Variants in EVC2 observed in about 807,000 individuals in gnomAD.
The protein encoded by EVC2 is limbin.
A neutral mutation model predicts 149.3 loss-of-function variants in EVC2; 148 were observed. That is an observed-to-expected ratio of 0.99 (90% confidence interval 0.87 to 1.14). EVC2 has a LOEUF of 1.14. Ranked by LOEUF, EVC2 falls within the 50% of genes most tolerant of loss-of-function variation. The probability of loss-of-function intolerance (pLI) is 0.00; values close to 1 mark genes in which losing one functional copy is unlikely to be tolerated. For missense variants in EVC2, 1,854 were observed against 1,627.3 expected (o/e 1.14, Z -2.40); for synonymous variants, 776 against 649.9 (o/e 1.19, Z -2.95).
At chr4:5,532,543 C>T in the EVC2 span, among the ~76,000 whole-genome samples, 3 of 152,250 alleles carry the variant, frequency 2.0e-5, no homozygotes, top group Middle Eastern at 3.4e-3. Flanking sequence ...TTCTTACACA[C>T]GGAACTGGGA....
At chr4:5,601,963 T>G (rs1714015703) in intron 16 of EVC2, among the ~76,000 whole-genome samples, 1 of 152,108 alleles carries the variant, frequency 6.6e-6, no homozygotes, top group African/African-American at 2.4e-5. Flanking sequence ...GATAGTGTAT[T>G]TGGTCTACCA....
At chr4:5,537,020 T>C in the EVC2 span, among the ~76,000 whole-genome samples, 3 of 152,184 alleles carry the variant, frequency 2.0e-5, no homozygotes, top group Non-Finnish European at 2.9e-5. Context: ...CGGATTTATC[T>C]TCCCACTTGG....
At chr4:5,661,009 C>T (rs1718842711) in intron 9 of EVC2, among the ~76,000 whole-genome samples, 1 of 152,162 alleles carries the variant, frequency 6.6e-6, no homozygotes, top group Non-Finnish European at 1.5e-5. Flanking sequence ...GTGCACATTT[C>T]TAAATGTGAC....
chr4:5,586,253 C>T (rs1033723597), intron 16 of EVC2, among the ~76,000 whole-genome samples: 37 of 152,256 alleles, frequency 2.4e-4, no homozygotes, highest in African/African-American at 8.9e-4. Flanking sequence ...TCCCCCTTCC[C>T]TCCCTTTGTT....
rs949347805 is a variant in EVC2, at chr4:5,617,227, A to C, written c.2706+1251T>G. ...GAAAAGAAGTGAGTTTAAAGTCAGG[A>C]AACACCAGCTCCCAGCCCAGTTCTC... On this transcript the variant is annotated intron_variant, in intron 15 of 21. Transcript: ENST00000344408. Among the ~76,000 whole-genome samples the C allele has an allele frequency of 4.6e-5, 7 of 152,296 alleles. No homozygotes were observed. The South Asian group carries it at 1.4e-3, about 32-fold the overall frequency.
chr4:5,557,305 G>T (rs1235973970), intron 21 of EVC2, among the ~76,000 whole-genome samples: 2 of 151,974 alleles, frequency 1.3e-5, no homozygotes, highest in African/African-American at 2.4e-5. Flanking sequence ...TCACATCAAC[G>T]GGCTAAAGAA....
At chr4:5,628,146 C>T (rs1716252601) in intron 12 of EVC2, among the ~76,000 whole-genome samples, 1 of 152,096 alleles carries the variant, frequency 6.6e-6, no homozygotes, top group South Asian at 2.1e-4. Context: ...TAGTGGGTCT[C>T]CAGTGAGGAA....
At chr4:5,680,463 G>A (rs1720265025) in intron 7 of EVC2, among the ~76,000 whole-genome samples, 1 of 152,096 alleles carries the variant, frequency 6.6e-6, no homozygotes, top group Admixed American at 6.6e-5. Flanking sequence ...GTAATCCTGC[G>A]GGACCACCTT....
intron 20 of EVC2, among the ~76,000 whole-genome samples, chr4:5,565,672 C>CAAA (rs949664571): frequency 2.4e-5 from 2 of 81,780 alleles, no homozygotes; most frequent in African/African-American, 8.9e-5. Flanking sequence ...GACTCCATCT[C>CAAA]AAAAAAAAAA....
chr4:5,687,622 C>A (rs376493671), intron 5 of EVC2, among the ~76,000 whole-genome samples: 9 of 152,158 alleles, frequency 5.9e-5, no homozygotes, highest in South Asian at 4.2e-4. Context: ...AAAGGTGACA[C>A]CAGGGCCAGG....
intron 1 of EVC2, among the ~76,000 whole-genome samples, chr4:5,706,545 T>C (rs1413829132): frequency 6.6e-6 from 1 of 151,776 alleles, no homozygotes; most frequent in Non-Finnish European, 1.5e-5. Context: ...ATAATTACAA[T>C]AGGAAGAACT....
chr4:5,674,681 G>C (rs1003827041), intron 7 of EVC2, among the ~76,000 whole-genome samples: 1 of 152,200 alleles, frequency 6.6e-6, no homozygotes, highest in African/African-American at 2.4e-5. Context: ...TGCAAAACCA[G>C]AGCGTAATGG....
Position 5,657,756 on chromosome 4 carries a change from A to AG in EVC2, c.1145+5350dup, listed in dbSNP as rs1718622105. Among the ~76,000 whole-genome samples, 1 of 151,136 alleles carries AG rather than the reference A, an allele frequency of 6.6e-6. No individual in the cohort carries two copies. The highest frequency in any genetic ancestry group is 1.5e-5 in the Non-Finnish European group (1 of 67,766). ...TTAATTTGAAAAAGAAAAAAAAAAA[A>AG]GGTAGTTTCCGGCAGCCTTGAGTGT... On this transcript the variant is annotated intron_variant, in intron 9 of 21. Coordinates refer to ENST00000344408, the MANE Select transcript of EVC2 (RefSeq NM_147127.5). This position sits in a 1 kb window ranked among gnomAD's most constrained non-coding sequence, Gnocchi z 4.7.
downstream of EVC2, among the ~76,000 whole-genome samples, chr4:5,541,115 GC>G (rs1308976660): frequency 6.6e-6 from 1 of 152,204 alleles, no homozygotes; most frequent in Non-Finnish European, 1.5e-5. Context: ...TGATAACATT[GC>G]TCTGTAAGAA....
At chr4:5,684,478 C>T (rs1228578805) in intron 6 of EVC2, among the ~76,000 whole-genome samples, 1 of 152,120 alleles carries the variant, frequency 6.6e-6, no homozygotes, top group Non-Finnish European at 1.5e-5. Context: ...ATAGGGAAGA[C>T]TTTCTCCAGA....
intron 7 of EVC2, among the ~76,000 whole-genome samples, chr4:5,681,039 C>T (rs1036644366): frequency 2.6e-5 from 4 of 152,220 alleles, no homozygotes; most frequent in East Asian, 1.9e-4. Flanking sequence ...GTCCAGCCCA[C>T]GGCCTACCTG....
intron 17 of EVC2, among the ~76,000 whole-genome samples, chr4:5,581,905 C>T (rs957199445): frequency 1.3e-5 from 2 of 152,226 alleles, no homozygotes; most frequent in African/African-American, 4.8e-5. Context: ...GACCACTGCT[C>T]AGAAGATGCA....
At chr4:5,574,550 G>T in intron 19 of EVC2, 135 bp downstream of exon 19, 1 of 872,424 alleles carries the variant, frequency 1.1e-6, no homozygotes. Context: ...CTAGAGCTTC[G>T]CACACATCTG....
At chr4:5,654,311 C>T (rs1718358651) in intron 9 of EVC2, among the ~76,000 whole-genome samples, 1 of 152,058 alleles carries the variant, frequency 6.6e-6, no homozygotes, top group African/African-American at 2.4e-5. Context: ...AGGAAAGGCC[C>T]TGCGGCAGAG....
Sources: allele counts gnomAD v4.1 joint callset (sites outside exome capture counted in the v4.1 genomes callset), GRCh38; gene constraint gnomAD v4.1.1; non-coding constraint Gnocchi (gnomAD v3.1); transcripts MANE v1.5; gene names NCBI Gene and HGNC (gene_info 2026-07-23, HGNC 2026-07-21).